Variants in STPG1 observed in about 807,000 individuals in gnomAD.
The protein encoded by STPG1 is sperm tail PG-rich repeat containing 1, also known as O(6)-methylguanine-induced apoptosis 2.
STPG1 carries 33 observed loss-of-function variants against 40.1 expected under a neutral mutation model. The observed-to-expected ratio is 0.82, with a 90% CI of 0.62 to 1.10. The LOEUF (loss-of-function observed/expected upper bound fraction) is 1.10. Ranked by LOEUF, STPG1 falls within the 50% of genes least tolerant of loss-of-function variation. STPG1 has a pLI of 0.00. For missense variants in STPG1, 396 were observed against 415.1 expected (o/e 0.95, Z 0.40); for synonymous variants, 150 against 155.0 (o/e 0.97, Z 0.24).
Position 24,373,686 on chromosome 1 carries a change from C to A in STPG1, c.571+16G>T, listed in dbSNP as rs369257441. ...CTTAACCCTTAGGTCAAGGCCAGTG[C>A]AAAGCAGCTGCTTACCTGGGGGAGG... On this transcript the variant is annotated intron_variant, in intron 6 of 8. Coordinates refer to ENST00000337248, the MANE Select transcript of STPG1 (RefSeq NM_001199013.2). The A allele has an allele frequency of 6.3e-7, 1 of 1,578,420 alleles. No homozygotes were observed. The highest frequency in any genetic ancestry group is 8.7e-7 in the Non-Finnish European group (1 of 1,147,982).
chr1:24,409,514 C>T (rs1314077065), intron 1 of STPG1, among the ~76,000 whole-genome samples: 6 of 152,140 alleles, frequency 3.9e-5, no homozygotes, highest in African/African-American at 1.4e-4. Flanking sequence ...ATTAAGCTTC[C>T]TGTTTTACAG....
chr1:24,408,004 T>C (rs777215256), intron 1 of STPG1, among the ~76,000 whole-genome samples: 2 of 152,204 alleles, frequency 1.3e-5, no homozygotes, highest in African/African-American at 2.4e-5. Flanking sequence ...CAGATATGGG[T>C]CATATTTTCC....
chr1:24,395,696 T>TG (rs1186969966), intron 2 of STPG1, among the ~76,000 whole-genome samples: 1 of 152,230 alleles, frequency 6.6e-6, no homozygotes, highest in African/African-American at 2.4e-5. Flanking sequence ...CTTCTCAAAG[T>TG]GCTGGGATTA....
intron 1 of STPG1, among the ~76,000 whole-genome samples, chr1:24,403,145 G>A (rs59191893): frequency 0.021 from 3,134 of 152,124 alleles, 124 homozygotes; most frequent in African/African-American, 0.072. Flanking sequence ...TTAAGGTAAG[G>A]GTCAGGTTCA....
chr1:24,374,109 GC>G (rs1641888844), intron 5 of STPG1, among the ~76,000 whole-genome samples: 1 of 152,146 alleles, frequency 6.6e-6, no homozygotes, highest in South Asian at 2.1e-4. Flanking sequence ...AGGCTGTGTG[GC>G]CCCGCATCAG....
intron 5 of STPG1, chr1:24,379,417 G>A: frequency 1.9e-6 from 1 of 516,096 alleles, no homozygotes; most frequent in Non-Finnish European, 3.5e-6. Context: ...TGTTTCTCAG[G>A]GCAGTGGCCT....
chr1:24,401,279 T>C, intron 2 of STPG1, 40 bp downstream of exon 2: 2 of 1,593,018 alleles, frequency 1.3e-6, no homozygotes, highest in Non-Finnish European at 1.7e-6. Flanking sequence ...AAAATAAGCA[T>C]ATGTCAGGAG....
rs1640805332 is a variant in STPG1 at position 24,357,560 on chromosome 1, AC to A, written c.*982del. ...TTACAGTGTGCAGTCAAGGCTGAGAACCACTTCTCTGGAGAGGCCACAGTTG... is the reference window on the plus strand; with the variant it reads ...TTACAGTGTGCAGTCAAGGCTGAGAACACTTCTCTGGAGAGGCCACAGTTG... On this transcript the variant is annotated 3_prime_UTR_variant, in exon 9 of 9. Transcript: ENST00000337248. The A allele has an allele frequency of 6.4e-6, 1 of 155,116 alleles. No homozygotes were observed. The highest frequency in any genetic ancestry group is 2.4e-5 in the African/African-American group (1 of 41,386). The allele number at this position is 155,116 out of a possible 1,614,324, so 9.6% of individuals were successfully genotyped here.
intron 7 of STPG1, 84 bp downstream of exon 7, chr1:24,369,590 A>G: frequency 6.9e-7 from 1 of 1,439,684 alleles, no homozygotes; most frequent in Non-Finnish European, 9.5e-7. Context: ...TCTGCCAAGC[A>G]GTGACACCCC....
chr1:24,375,142 G>A (rs576520649), intron 5 of STPG1, among the ~76,000 whole-genome samples: 11 of 152,116 alleles, frequency 7.2e-5, no homozygotes, highest in Non-Finnish European at 1.3e-4. Flanking sequence ...GCCAACTCAC[G>A]AAATACATTT....
intron 1 of STPG1, among the ~76,000 whole-genome samples, chr1:24,410,487 T>C (rs915262312): frequency 6.6e-6 from 1 of 152,158 alleles, no homozygotes; most frequent in South Asian, 2.1e-4. Flanking sequence ...CGTGCACCTG[T>C]AGTCCCAGCT....
chr1:24,389,694 G>T (rs5026924), intron 3 of STPG1, among the ~76,000 whole-genome samples: 1 of 152,102 alleles, frequency 6.6e-6, no homozygotes, highest in African/African-American at 2.4e-5. Context: ...TGTTTTTATC[G>T]GAGGCTGGGC....
chr1:24,402,417 T>G (rs955933193), intron 1 of STPG1, among the ~76,000 whole-genome samples: 1 of 145,054 alleles, frequency 6.9e-6, no homozygotes, highest in African/African-American at 2.4e-5. Context: ...TATTTTCATG[T>G]GCTTATTTAT....
chr1:24,383,904 T>C lies in STPG1; in HGVS notation c.289A>G (p.Met97Val). ...TACTCAAGAGAAGTGGTTCTCACCA[T>C]TGAGGGAAACATGCAAGTTCCTTTC... is the stretch of plus-strand genomic sequence containing the variant. Reference protein sequence around the residue: ...SKKGTCMFPSMCARLDTIISK... With the variant: ...SKKGTCMFPSVCARLDTIISK... Residue 97 changes from methionine to valine, a missense_variant and splice_region_variant, in exon 4 of 9, where the codon ATG becomes GTG. Met to Val is a conservative substitution (Grantham distance 21, BLOSUM62 1). Coordinates refer to ENST00000337248, the MANE Select transcript of STPG1 (RefSeq NM_001199013.2). 2 of 1,601,588 alleles carry C rather than the reference T, an allele frequency of 1.2e-6. No individual in the cohort carries two copies. Among genetic ancestry groups the C allele is most frequent in the Admixed American group, 1.7e-5 (1 of 60,010 alleles).
chr1:24,401,112 T>G (rs1570092348), intron 2 of STPG1: 1 of 456,702 alleles, frequency 2.2e-6, no homozygotes, highest in East Asian at 3.2e-5. Context: ...TTTAACAGAC[T>G]TCCTCCTTCT....
chr1:24,370,926 G>C (rs1641710006), intron 6 of STPG1, among the ~76,000 whole-genome samples: 1 of 151,916 alleles, frequency 6.6e-6, no homozygotes, highest in African/African-American at 2.4e-5. Flanking sequence ...CAGCTAACAT[G>C]TATGTGTTGA....
At chr1:24,374,330 C>T (rs1641916530) in intron 5 of STPG1, among the ~76,000 whole-genome samples, 1 of 139,010 alleles carries the variant, frequency 7.2e-6, no homozygotes, top group African/African-American at 2.7e-5. Flanking sequence ...GAGATCTCCA[C>T]TCACTGCAAG....
At chr1:24,365,017 G>T (rs934739845) in intron 7 of STPG1, among the ~76,000 whole-genome samples, 3 of 152,294 alleles carry the variant, frequency 2.0e-5, no homozygotes, top group Non-Finnish European at 4.4e-5. Context: ...AGGGTTGGGA[G>T]GGATAAAGGG....
intron 7 of STPG1, chr1:24,364,203 C>A: frequency 6.5e-7 from 1 of 1,537,526 alleles, no homozygotes; most frequent in Admixed American, 2.0e-5. Context: ...CTCTCCTCCA[C>A]CCACGCCTGT....
Sources: gnomAD v4.1 joint callset for allele counts (sites outside exome capture counted in the v4.1 genomes callset) on GRCh38, gnomAD v4.1.1 for gene constraint, MANE v1.5 for transcripts, NCBI Gene and HGNC (gene_info 2026-07-23, HGNC 2026-07-21) for gene names.